WDFY4: variants seen among roughly 807,000 people sequenced by gnomAD.
WDFY4 encodes WDFY family member 4, also known as WD repeat- and FYVE domain-containing protein 4.
A neutral mutation model predicts 351.9 loss-of-function variants in WDFY4; 169 were observed. That is an observed-to-expected ratio of 0.48 (90% CI 0.42 to 0.55). WDFY4 has a LOEUF of 0.55. Among genes scored for constraint, WDFY4 ranks in the 20% least tolerant of loss-of-function variants. WDFY4 has a pLI of 0.00. For synonymous variants in WDFY4, 1,622 were observed against 1,574.6 expected (o/e 1.03, Z -0.71); for missense variants, 3,803 against 3,935.6 (o/e 0.97, Z 0.90).
At chr10:48,882,888 C>T (rs1051029871) in intron 43 of WDFY4, among the ~76,000 whole-genome samples, 9 of 152,184 alleles carry the variant, frequency 5.9e-5, no homozygotes, top group African/African-American at 2.2e-4. Context: ...TATCAGGAGG[C>T]TTTGTTATTT....
intron 53 of WDFY4, among the ~76,000 whole-genome samples, chr10:48,963,073 G>A (rs1293170372): frequency 2.0e-5 from 3 of 152,226 alleles, no homozygotes; most frequent in Admixed American, 2.0e-4. Context: ...TGCCCCCTGT[G>A]AGGTTCTGAG....
chr10:48,809,326 C>T (rs1052918528), intron 28 of WDFY4, among the ~76,000 whole-genome samples: 1 of 151,792 alleles, frequency 6.6e-6, no homozygotes, highest in African/African-American at 2.4e-5. Flanking sequence ...TCATCACCAT[C>T]ACCCTCACCA....
intron 35 of WDFY4, among the ~76,000 whole-genome samples, chr10:48,825,762 A>C (rs2067972638): frequency 2.0e-5 from 3 of 151,978 alleles, no homozygotes; most frequent in Admixed American, 1.3e-4. Context: ...TCTTCTTTGG[A>C]GAAATGTCTG....
intron 39 of WDFY4, among the ~76,000 whole-genome samples, chr10:48,833,973 T>C (rs1359095509): frequency 6.6e-6 from 1 of 152,210 alleles, no homozygotes; most frequent in Non-Finnish European, 1.5e-5. Context: ...GGCCTTTCTT[T>C]TCCCAGGCTT....
chr10:48,861,159 TTAAAATCACACAGTGTTA>T (rs2069328659), intron 39 of WDFY4, among the ~76,000 whole-genome samples: 1 of 152,222 alleles, frequency 6.6e-6, no homozygotes, highest in East Asian at 1.9e-4. Context: ...CTACACTCGT[TTAAAATCACACAGTGTTA>T]TAAAATCAGA....
intron 7 of WDFY4, among the ~76,000 whole-genome samples, chr10:48,728,513 G>T (rs892915845): frequency 6.6e-6 from 1 of 152,206 alleles, no homozygotes; most frequent in African/African-American, 2.4e-5. Context: ...CCTCTGAGGG[G>T]TATATCTACT....
chr10:48,808,732 G>T (rs1472483499), intron 28 of WDFY4, among the ~76,000 whole-genome samples: 1 of 152,200 alleles, frequency 6.6e-6, no homozygotes, highest in African/African-American at 2.4e-5. Context: ...GGTAGAACTG[G>T]AAGATGCCTT....
chr10:48,701,260 T>G (rs1368532454), intron 1 of WDFY4, among the ~76,000 whole-genome samples: 1 of 152,244 alleles, frequency 6.6e-6, no homozygotes, highest in African/African-American at 2.4e-5. Context: ...GCCAGAATTG[T>G]CTTCCTTTTA....
chr10:48,944,888 A>G (rs537520402), intron 49 of WDFY4, among the ~76,000 whole-genome samples: 18 of 152,318 alleles, frequency 1.2e-4, no homozygotes, highest in African/African-American at 4.3e-4. Flanking sequence ...AGATCTGGCA[A>G]CTAGGAATTT....
intron 1 of WDFY4, among the ~76,000 whole-genome samples, chr10:48,707,652 A>G (rs1422930321): frequency 6.6e-6 from 1 of 152,228 alleles, no homozygotes; most frequent in Non-Finnish European, 1.5e-5. Flanking sequence ...TGCTGGGTGA[A>G]AGAGTAAGAG....
intron 1 of WDFY4, among the ~76,000 whole-genome samples, chr10:48,688,315 T>C (rs1035454564): frequency 6.6e-6 from 1 of 152,220 alleles, no homozygotes; most frequent in African/African-American, 2.4e-5. Flanking sequence ...TACTCATTCA[T>C]ATAAATTTCA....
intron 39 of WDFY4, among the ~76,000 whole-genome samples, chr10:48,836,314 A>G (rs1172578811): frequency 2.6e-5 from 4 of 152,196 alleles, no homozygotes; most frequent in African/African-American, 9.7e-5. Context: ...GTTTTTCCCT[A>G]AATATGCCCA....
chr10:48,751,093 C>T (rs1398759506), intron 12 of WDFY4, among the ~76,000 whole-genome samples: 1 of 152,214 alleles, frequency 6.6e-6, no homozygotes, highest in East Asian at 1.9e-4. Context: ...CTCTTCTGGG[C>T]TCCCACCTAG....
chr10:48,906,919 T>C (rs767239192), intron 47 of WDFY4, among the ~76,000 whole-genome samples: 1 of 151,694 alleles, frequency 6.6e-6, no homozygotes, highest in East Asian at 1.9e-4. Flanking sequence ...GGATAGATAA[T>C]AAGAAACAGG....
intron 28 of WDFY4, 128 bp from the exon 29 acceptor site, chr10:48,810,402 C>T: frequency 1.3e-6 from 1 of 788,986 alleles, no homozygotes; most frequent in South Asian, 1.9e-5. Flanking sequence ...AAATGTAATA[C>T]ATAATAAGTG....
chr10:48,959,917 G>A (rs1841782877), intron 53 of WDFY4, 104 bp downstream of exon 53: 2 of 1,072,984 alleles, frequency 1.9e-6, no homozygotes, highest in Non-Finnish European at 2.7e-6. Flanking sequence ...CCAGCACTGT[G>A]AGGCTCATGT....
At chr10:48,953,936 C>A (rs1306371950) in intron 51 of WDFY4, among the ~76,000 whole-genome samples, 1 of 152,154 alleles carries the variant, frequency 6.6e-6, no homozygotes, top group Non-Finnish European at 1.5e-5. Flanking sequence ...AGGAGTATTT[C>A]CTTTAATATA....
chr10:48,690,269 T>C (rs2063158090), intron 1 of WDFY4, among the ~76,000 whole-genome samples: 2 of 152,208 alleles, frequency 1.3e-5, no homozygotes, highest in Admixed American at 1.3e-4. Flanking sequence ...GGTCACTAGG[T>C]CTGATACTTT....
intron 31 of WDFY4, among the ~76,000 whole-genome samples, chr10:48,815,251 C>A (rs1475068856): frequency 2.0e-5 from 3 of 152,238 alleles, no homozygotes; most frequent in Non-Finnish European, 4.4e-5. Context: ...CATGGCCAAA[C>A]TGATGATGGC....
Sources: allele counts gnomAD v4.1 joint callset (sites outside exome capture counted in the v4.1 genomes callset), GRCh38; gene constraint gnomAD v4.1.1; transcripts MANE v1.5; gene names NCBI Gene and HGNC (gene_info 2026-07-23, HGNC 2026-07-21).